Variants in TMEM135 observed in about 807,000 individuals in gnomAD.
The protein encoded by TMEM135 is transmembrane protein 135.
Under a neutral mutation model 60.3 loss-of-function variants are expected in TMEM135, and 30 were observed. That is an observed-to-expected ratio of 0.50 (90% CI 0.37 to 0.68). TMEM135 has a LOEUF of 0.68. TMEM135 is among the 30% of genes least tolerant of loss of function. The pLI is 0.00. For missense variants in TMEM135, 468 were observed against 548.8 expected (o/e 0.85, Z 1.47); for synonymous variants, 190 against 186.7 (o/e 1.02, Z -0.14).
rs1941275855 is a variant in TMEM135, at chr11:87,246,529, T to A, written c.509+9845T>A. On this transcript the variant is annotated intron_variant, in intron 6 of 14. Coordinates refer to ENST00000305494, the MANE Select transcript of TMEM135 (RefSeq NM_022918.4). ...TTGGTGTTTTCACATAGTCCCATAT[T>A]TCTTGGAGGCTTTGTTCGTTTCTTT... is the stretch of plus-strand genomic sequence containing the variant. Among the ~76,000 whole-genome samples the A allele has an allele frequency of 2.6e-5, 4 of 152,214 alleles. No homozygotes were observed. The South Asian group carries it at 8.3e-4, about 32-fold the overall frequency.
At chr11:87,314,598 G>A (rs770598112) in intron 12 of TMEM135, 51 bp downstream of exon 12, 2 of 1,447,094 alleles carry the variant, frequency 1.4e-6, no homozygotes, top group East Asian at 2.3e-5. Context: ...AAAGCTTTTA[G>A]CTGCTGACTG....
At chr11:87,196,999 C>A (rs1293700486) in intron 5 of TMEM135, among the ~76,000 whole-genome samples, 1 of 151,912 alleles carries the variant, frequency 6.6e-6, no homozygotes, top group African/African-American at 2.4e-5. Flanking sequence ...AACATAGTTA[C>A]ATTTCTCCTA....
At chr11:87,039,244 CTTTG>C (rs1479193356) in intron 1 of TMEM135, among the ~76,000 whole-genome samples, 1 of 152,152 alleles carries the variant, frequency 6.6e-6, no homozygotes, top group Non-Finnish European at 1.5e-5. Context: ...AAGGTGATGA[CTTTG>C]TTTGAGGTTG....
intron 6 of TMEM135, among the ~76,000 whole-genome samples, chr11:87,274,348 C>T (rs1475997666): frequency 1.3e-5 from 2 of 152,180 alleles, no homozygotes; most frequent in African/African-American, 4.8e-5. Flanking sequence ...AATGTCTTCA[C>T]AAATGTGGCT....
chr11:87,305,680 A>G (rs1007327549), intron 8 of TMEM135, among the ~76,000 whole-genome samples: 2 of 152,146 alleles, frequency 1.3e-5, no homozygotes, highest in Non-Finnish European at 2.9e-5. Flanking sequence ...AGGCTGAGGC[A>G]GGAGAATCGC....
intron 1 of TMEM135, among the ~76,000 whole-genome samples, chr11:87,042,241 G>C (rs1395077766): frequency 6.6e-6 from 1 of 152,214 alleles, no homozygotes; most frequent in East Asian, 1.9e-4. Context: ...AGGTCTGTCT[G>C]TCTAGATTCT....
At chr11:87,307,235 G>A (rs796654832) in intron 9 of TMEM135, among the ~76,000 whole-genome samples, 4 of 152,164 alleles carry the variant, frequency 2.6e-5, no homozygotes, top group East Asian at 1.9e-4. Flanking sequence ...TGACAGTGCC[G>A]TTAGCCCAGC....
chr11:87,074,772 TA>T (rs1856837262), intron 3 of TMEM135, among the ~76,000 whole-genome samples: 1 of 152,180 alleles, frequency 6.6e-6, no homozygotes, highest in Non-Finnish European at 1.5e-5. Flanking sequence ...AAAATAAGGA[TA>T]TTTTTCTACA....
intron 7 of TMEM135, 99 bp downstream of exon 7, chr11:87,295,922 T>G (rs1414230568): frequency 1.4e-5 from 14 of 970,618 alleles, no homozygotes; most frequent in Non-Finnish European, 2.2e-5. Context: ...GCATTTAAAC[T>G]GAAAATAATT....
At chr11:87,213,986 C>T (rs144409153) in intron 5 of TMEM135, among the ~76,000 whole-genome samples, 7 of 152,240 alleles carry the variant, frequency 4.6e-5, no homozygotes, top group African/African-American at 1.7e-4. Context: ...CTTTAACATT[C>T]CACAGTGATG....
At chr11:87,284,221 A>G (rs1227516470) in intron 6 of TMEM135, among the ~76,000 whole-genome samples, 3 of 152,326 alleles carry the variant, frequency 2.0e-5, no homozygotes, top group East Asian at 3.9e-4. Flanking sequence ...ATGAAACCAC[A>G]ATCTGCTCCT....
rs539425525 is a variant in TMEM135, at chr11:87,211,355, G to T, written c.463-25283G>T. Among the ~76,000 whole-genome samples the T allele has an allele frequency of 2.6e-5, 4 of 152,288 alleles. No homozygotes were observed. In the South Asian group the frequency reaches 8.3e-4, roughly 32 times the overall value. ...CATAGAGTATTTTAATAGCAGAGCT[G>T]TCATTGTGAACTTGTATATCCTTGG... On this transcript the variant is annotated intron_variant, in intron 5 of 14. Coordinates refer to ENST00000305494, the MANE Select transcript of TMEM135 (RefSeq NM_022918.4).
At chr11:87,224,694 G>A (rs1565492505) in intron 5 of TMEM135, among the ~76,000 whole-genome samples, 1 of 150,480 alleles carries the variant, frequency 6.6e-6, no homozygotes, top group East Asian at 1.9e-4. Context: ...TTTTTCAGCT[G>A]TAACTTTGCC....
At chr11:87,248,590 C>A (rs1296488663) in intron 6 of TMEM135, among the ~76,000 whole-genome samples, 1 of 151,094 alleles carries the variant, frequency 6.6e-6, no homozygotes. Context: ...ATAGCTTTGG[C>A]TATTTTTGGT....
intron 6 of TMEM135, among the ~76,000 whole-genome samples, chr11:87,264,633 A>G (rs1490722841): frequency 6.6e-6 from 1 of 151,868 alleles, no homozygotes; most frequent in Non-Finnish European, 1.5e-5. Context: ...CAGTCTGTAC[A>G]TTTTAAGAAT....
chr11:87,165,631 G>T (rs1191935088), intron 5 of TMEM135, among the ~76,000 whole-genome samples: 2 of 151,000 alleles, frequency 1.3e-5, no homozygotes, highest in African/African-American at 4.9e-5. Context: ...GTTCCTCCTT[G>T]TACCTCTGGT....
chr11:87,223,272 C>G (rs1264451767), intron 5 of TMEM135, among the ~76,000 whole-genome samples: 1 of 149,892 alleles, frequency 6.7e-6, no homozygotes, highest in Non-Finnish European at 1.5e-5. Flanking sequence ...TCATGCTATT[C>G]TCCTGCCTCA....
chr11:87,326,528 G>C lies in TMEM135; in HGVS notation c.*5195G>C. The C allele has an allele frequency of 2.2e-6, 1 of 454,046 alleles. No homozygotes were observed. The highest frequency in any genetic ancestry group is 1.6e-5 in the South Asian group (1 of 64,472). 28.1% of individuals were successfully genotyped at this position (454,046 alleles called of 1,614,324 possible). A position where few individuals can be genotyped will look rare whatever the true frequency, so the allele number is the denominator to read the frequency against. ...GTTTAAAGCATGAAGTACATTCTGTGGTTGGTCATTATGGGATTGGATGCC... is the reference window on the plus strand; with the variant it reads ...GTTTAAAGCATGAAGTACATTCTGTCGTTGGTCATTATGGGATTGGATGCC... On this transcript the variant is annotated 3_prime_UTR_variant, in exon 15 of 15. Coordinates refer to ENST00000305494, the MANE Select transcript of TMEM135 (RefSeq NM_022918.4).
At chr11:87,120,563 C>T (rs1444422370) in intron 4 of TMEM135, among the ~76,000 whole-genome samples, 1 of 150,440 alleles carries the variant, frequency 6.6e-6, no homozygotes, top group Non-Finnish European at 1.5e-5. Context: ...CCTCCACCTC[C>T]CTGGTTCAAG....
Sources: gnomAD v4.1 joint callset for allele counts (sites outside exome capture counted in the v4.1 genomes callset) on GRCh38, gnomAD v4.1.1 for gene constraint, MANE v1.5 for transcripts, NCBI Gene and HGNC (gene_info 2026-07-23, HGNC 2026-07-21) for gene names.